Variants in ZNF148 observed in about 807,000 individuals in gnomAD.
The protein encoded by ZNF148 is zinc finger protein 148.
ZNF148 carries 7 observed loss-of-function variants against 67.7 expected under a neutral mutation model. The ratio of observed to expected loss-of-function variants is 0.10; its 90% confidence interval spans 0.06 to 0.19. The LOEUF is 0.19. Among genes scored for constraint, ZNF148 ranks in the 10% least tolerant of loss-of-function variants. ZNF148 has a pLI of 1.00. For missense variants in ZNF148, 583 were observed against 947.1 expected, an observed-to-expected ratio of 0.62 and a Z score of 5.05; for synonymous variants, 333 against 330.7, an observed-to-expected ratio of 1.01 and a Z score of -0.08.
chr3:125,349,795 C>A (rs1373477935), intron 1 of ZNF148, among the ~76,000 whole-genome samples: 1 of 152,122 alleles, frequency 6.6e-6, no homozygotes, highest in East Asian at 1.9e-4. Context: ...GAGCTATGAT[C>A]TCACCACTGC....
At chr3:125,304,286 AG>A (rs1003701816) in intron 4 of ZNF148, among the ~76,000 whole-genome samples, 8 of 152,162 alleles carry the variant, frequency 5.3e-5, no homozygotes, top group Admixed American at 2.6e-4. Flanking sequence ...AAGCAGCATA[AG>A]GAAGAGTCTA....
intron 7 of ZNF148, among the ~76,000 whole-genome samples, chr3:125,272,228 G>T (rs973140895): frequency 6.6e-6 from 1 of 152,200 alleles, no homozygotes; most frequent in African/African-American, 2.4e-5. Context: ...CTGCACCATT[G>T]TGTTGGAAAT....
chr3:125,276,318 C>T lies in ZNF148; in HGVS notation c.667+1408G>A, dbSNP rs955870399. Among the ~76,000 whole-genome samples, 8 of 152,056 alleles carry T rather than the reference C, an allele frequency of 5.3e-5. No homozygotes were observed. In the South Asian group the frequency reaches 1.0e-3, roughly 20 times the overall value. On this transcript the variant is annotated intron_variant, in intron 7 of 8. Coordinates refer to ENST00000360647, the MANE Select transcript of ZNF148 (RefSeq NM_021964.3). ...CCCTTCTAATAAAAAGAGATGAATA[C>T]GTTTACTTAAAAAACTGAAACTAGT... is the stretch of plus-strand genomic sequence containing the variant.
intron 7 of ZNF148, among the ~76,000 whole-genome samples, chr3:125,265,635 A>G (rs549543895): frequency 6.6e-5 from 10 of 152,172 alleles, no homozygotes; most frequent in Non-Finnish European, 1.3e-4. Context: ...CCCTCTATCC[A>G]TTGATAAAGA....
chr3:125,257,703 T>A (rs181578520), intron 7 of ZNF148, among the ~76,000 whole-genome samples: 1 of 152,056 alleles, frequency 6.6e-6, no homozygotes, highest in African/African-American at 2.4e-5. Flanking sequence ...TTCCTTCCCA[T>A]TTCTCTCTAC....
chr3:125,267,788 ATC>A (rs1393346437), intron 7 of ZNF148, among the ~76,000 whole-genome samples: 4 of 152,184 alleles, frequency 2.6e-5, no homozygotes, highest in Non-Finnish European at 5.9e-5. Context: ...CACTCAAATT[ATC>A]TCTCTTTGCT....
At chr3:125,331,061 GCA>G (rs1480511849) in intron 2 of ZNF148, 95 bp downstream of exon 2, 9 of 397,570 alleles carry the variant, frequency 2.3e-5, no homozygotes, top group African/African-American at 1.6e-4. Flanking sequence ...GGCCATAAAT[GCA>G]CACTTATACC....
At position 125,317,479 on chromosome 3, in the gene ZNF148, T is replaced by G. The variant is rs189117655; in HGVS notation, c.-16-3823A>C. ...TCAATGGGAAAAGACTGGAAACAAA[T>G]TTAAGCATCCATAGACAGGTGACTT... On this transcript the variant is annotated intron_variant, in intron 3 of 8. Coordinates refer to ENST00000360647, the MANE Select transcript of ZNF148 (RefSeq NM_021964.3). Among the ~76,000 whole-genome samples, 272 of 151,948 alleles carry G rather than the reference T, an allele frequency of 1.8e-3. 1 individual carries two copies. Among genetic ancestry groups the G allele is most frequent in the African/African-American group, 6.3e-3 (259 of 41,436 alleles).
intron 5 of ZNF148, among the ~76,000 whole-genome samples, chr3:125,279,516 A>C (rs1166253343): frequency 6.6e-6 from 1 of 152,168 alleles, no homozygotes; most frequent in Non-Finnish European, 1.5e-5. Context: ...TGTAATGCTT[A>C]TGCGTGATGG....
chr3:125,283,585 C>T (rs1938504876), intron 5 of ZNF148, among the ~76,000 whole-genome samples: 1 of 151,922 alleles, frequency 6.6e-6, no homozygotes, highest in African/African-American at 2.4e-5. Flanking sequence ...ATAAATAAAA[C>T]TCTATTATTT....
chr3:125,331,934 A>T (rs1372376244), intron 1 of ZNF148, among the ~76,000 whole-genome samples: 2 of 152,234 alleles, frequency 1.3e-5, no homozygotes, highest in African/African-American at 4.8e-5. Flanking sequence ...AAGTTGAATT[A>T]TCAGAAATAA....
rs1244289758 is a variant in ZNF148, at chr3:125,232,118, G to A, written c.*223C>T. 7.6e-5 allele frequency: 34 copies of A among 448,444 alleles called. No homozygotes were observed. The East Asian group carries it at 1.2e-3, about 15-fold the overall frequency. The allele number at this position is 448,444 out of a possible 1,614,324, so 27.8% of individuals were successfully genotyped here. A position where few individuals can be genotyped will look rare whatever the true frequency, so the allele number is the denominator to read the frequency against. On this transcript the variant is annotated 3_prime_UTR_variant, in exon 9 of 9. Transcript: ENST00000360647. This position sits in a 1 kb window ranked among gnomAD's most constrained non-coding sequence, Gnocchi z 4.2. ...ATAGCAAGTTTCTGATCTAAAACAA[G>A]TAATGCATTGCTTCTATAAAGGTGA...
At chr3:125,307,521 G>T (rs1276539576) in intron 4 of ZNF148, among the ~76,000 whole-genome samples, 2 of 152,124 alleles carry the variant, frequency 1.3e-5, no homozygotes, top group African/African-American at 4.8e-5. Flanking sequence ...AGCCAGGATT[G>T]TCTCAATCTC....
intron 1 of ZNF148, among the ~76,000 whole-genome samples, chr3:125,360,670 A>G (rs894801606): frequency 2.6e-5 from 4 of 152,056 alleles, no homozygotes; most frequent in African/African-American, 4.8e-5. Flanking sequence ...AGCTAAATTT[A>G]TATCAGCATA....
chr3:125,265,358 C>A (rs1020723408), intron 7 of ZNF148, among the ~76,000 whole-genome samples: 24 of 152,236 alleles, frequency 1.6e-4, no homozygotes, highest in African/African-American at 5.3e-4. Flanking sequence ...TTAATAACAG[C>A]ACCTCAAAAG....
chr3:125,323,508 A>G (rs1579804630), intron 2 of ZNF148, 64 bp from the exon 3 acceptor site: 1 of 585,102 alleles, frequency 1.7e-6, no homozygotes, highest in East Asian at 2.9e-5. Flanking sequence ...TACAAATATA[A>G]TATGTGCAAA....
intron 1 of ZNF148, among the ~76,000 whole-genome samples, chr3:125,362,344 TAA>T (rs1942568624): frequency 6.6e-6 from 1 of 152,186 alleles, no homozygotes; most frequent in South Asian, 2.1e-4. Flanking sequence ...AGTTTTAGAA[TAA>T]GAGTTGTTGT....
chr3:125,258,422 C>CA lies in ZNF148; in HGVS notation c.667+19303dup, dbSNP rs34739205. Among the ~76,000 whole-genome samples, 366 of 56,090 alleles carry CA rather than the reference C, an allele frequency of 6.5e-3. 21 individuals carry two copies. Among genetic ancestry groups the CA allele is most frequent in the East Asian group, 0.015 (23 of 1,586 alleles). The allele number at this position is 56,090 out of a possible 152,430, so 36.8% of individuals were successfully genotyped here. Reference sequence around the variant, plus strand: ...CCTGGGAGACAGTGAGACTCCATCTCAAAAAAAAAAAAAAAAAAAAAAAGG... The same window carrying CA: ...CCTGGGAGACAGTGAGACTCCATCTCAAAAAAAAAAAAAAAAAAAAAAAAGG... On this transcript the variant is annotated intron_variant, in intron 7 of 8. Transcript: ENST00000360647.
intron 4 of ZNF148, among the ~76,000 whole-genome samples, chr3:125,304,342 G>C (rs892090064): frequency 6.6e-6 from 1 of 152,178 alleles, no homozygotes; most frequent in Non-Finnish European, 1.5e-5. Flanking sequence ...CAAAAGCTAA[G>C]TGGGGTGAAG....
Sources: allele counts gnomAD v4.1 joint callset (sites outside exome capture counted in the v4.1 genomes callset), GRCh38; gene constraint gnomAD v4.1.1; non-coding constraint Gnocchi (gnomAD v3.1); transcripts MANE v1.5; gene names NCBI Gene and HGNC (gene_info 2026-07-23, HGNC 2026-07-21).